RBFOX1: variants seen among roughly 807,000 people sequenced by gnomAD.
The protein encoded by RBFOX1 is RNA binding fox-1 homolog 1.
RBFOX1 carries 8 observed loss-of-function variants against 57.7 expected under a neutral mutation model. The observed-to-expected ratio is 0.14, with a 90% CI of 0.08 to 0.25. The LOEUF (loss-of-function observed/expected upper bound fraction) is 0.25. Ranked by LOEUF, RBFOX1 falls within the 10% of genes least tolerant of loss-of-function variation. The probability of loss-of-function intolerance (pLI) is 1.00; values close to 1 mark genes in which losing one functional copy is unlikely to be tolerated. For synonymous variants in RBFOX1, 326 were observed against 222.4 expected (o/e 1.47, Z -4.15); for missense variants, 611 against 548.5 (o/e 1.11, Z -1.14).
chr16:5,327,695 C>A (rs557473369), intron 1 of RBFOX1, among the ~76,000 whole-genome samples: 1 of 152,202 alleles, frequency 6.6e-6, no homozygotes, highest in African/African-American at 2.4e-5. Flanking sequence ...GCATCCCCCT[C>A]CCCGATTCCC....
In RBFOX1 at chr16:7,213,843, A is replaced by C. The variant is rs12918738; in HGVS notation, c.27+161745A>C. On this transcript the variant is annotated intron_variant, in intron 4 of 15. Coordinates refer to ENST00000550418, the MANE Select transcript of RBFOX1 (RefSeq NM_018723.4). ...GACTTCTCTGATGGATGAGGGTTGA[A>C]AAAGTCCTGCCCAGCAATAGGGGGA... 7.8e-3 allele frequency among the ~76,000 whole-genome samples: 1,190 copies of C among 152,310 alleles called. 6 individuals are homozygous for C. The highest frequency in any genetic ancestry group is 0.012 in the Non-Finnish European group (846 of 68,020).
At chr16:6,866,516 TAAG>T (rs1434861966) in intron 3 of RBFOX1, among the ~76,000 whole-genome samples, 2 of 144,022 alleles carry the variant, frequency 1.4e-5, no homozygotes, top group African/African-American at 5.2e-5. Context: ...AAAAAAAAAA[TAAG>T]GTTAGGGCTT....
At chr16:6,438,331 G>T (rs1272665247) in intron 2 of RBFOX1, among the ~76,000 whole-genome samples, 1 of 152,270 alleles carries the variant, frequency 6.6e-6, no homozygotes, top group African/African-American at 2.4e-5. Flanking sequence ...TGAGGAGAGT[G>T]AGGCTTAAGG....
intron 1 of RBFOX1, among the ~76,000 whole-genome samples, chr16:5,286,055 C>A (rs1296074459): frequency 6.6e-6 from 1 of 152,202 alleles, no homozygotes. Flanking sequence ...CTGGCATGAA[C>A]CACCACACCT....
At chr16:7,189,425 CAAAAAA>C (rs1159617665) in intron 4 of RBFOX1, among the ~76,000 whole-genome samples, 24 of 67,620 alleles carry the variant, frequency 3.5e-4, no homozygotes, top group African/African-American at 8.6e-4. Flanking sequence ...GACTCCCTCT[CAAAAAA>C]AAAAAAAAAA....
chr16:7,299,176 C>A (rs1042009911), intron 4 of RBFOX1, among the ~76,000 whole-genome samples: 2 of 152,172 alleles, frequency 1.3e-5, no homozygotes, highest in African/African-American at 4.8e-5. Context: ...TTTCAGGTTA[C>A]CCATTTCTCC....
intron 4 of RBFOX1, among the ~76,000 whole-genome samples, chr16:7,333,245 C>G (rs924876406): frequency 1.3e-5 from 2 of 152,242 alleles, no homozygotes; most frequent in South Asian, 2.1e-4. Flanking sequence ...ATGGATCACC[C>G]TAATCTAGCT....
intron 4 of RBFOX1, among the ~76,000 whole-genome samples, chr16:7,506,688 T>G (rs544391537): frequency 4.9e-4 from 74 of 152,308 alleles, no homozygotes; most frequent in Non-Finnish European, 9.0e-4. Flanking sequence ...AAGATTGTGT[T>G]AAAATTCGGG....
At chr16:7,582,571 A>C (rs529206946) in intron 6 of RBFOX1, among the ~76,000 whole-genome samples, 3 of 152,212 alleles carry the variant, frequency 2.0e-5, no homozygotes, top group African/African-American at 7.2e-5. Context: ...ATTGTGAAGC[A>C]TCTGTAAACA....
intron 1 of RBFOX1, among the ~76,000 whole-genome samples, chr16:6,107,396 G>A (rs920759893): frequency 6.6e-6 from 1 of 151,942 alleles, no homozygotes; most frequent in Non-Finnish European, 1.5e-5. Context: ...CATGCTCAGG[G>A]TACATATCTT....
rs146005802 is a variant in RBFOX1, at chr16:6,076,248, G to A, written c.-127+56256G>A. 6.7e-3 allele frequency among the ~76,000 whole-genome samples: 1,014 copies of A among 151,736 alleles called. 11 individuals are homozygous for A. Among genetic ancestry groups the A allele is most frequent in the African/African-American group, 0.024 (972 of 41,346 alleles). On this transcript the variant is annotated intron_variant, in intron 1 of 15. Transcript: ENST00000550418. Reference sequence around the variant, plus strand: ...CGGGAGGCGGAAGTTGCAGTGAGCCGAGATTGTGCCATTCCACTCCAGCCT... The same window carrying A: ...CGGGAGGCGGAAGTTGCAGTGAGCCAAGATTGTGCCATTCCACTCCAGCCT...
At chr16:6,531,788 T>A (rs1284971373) in intron 2 of RBFOX1, among the ~76,000 whole-genome samples, 1 of 152,144 alleles carries the variant, frequency 6.6e-6, no homozygotes, top group East Asian at 1.9e-4. Flanking sequence ...TGTATGAGTA[T>A]CAACCCAATT....
At chr16:7,219,099 G>T (rs936490951) in intron 4 of RBFOX1, among the ~76,000 whole-genome samples, 1 of 152,144 alleles carries the variant, frequency 6.6e-6, no homozygotes, top group African/African-American at 2.4e-5. Context: ...CATTATCCCC[G>T]TCATTGCAGG....
At chr16:6,884,567 G>A (rs952138837) in intron 3 of RBFOX1, among the ~76,000 whole-genome samples, 1 of 152,114 alleles carries the variant, frequency 6.6e-6, no homozygotes, top group Non-Finnish European at 1.5e-5. Flanking sequence ...CCTCAAATAT[G>A]TTTTATTACC....
At chr16:5,797,835 T>A (rs1254389804) in intron 3 of RBFOX1, among the ~76,000 whole-genome samples, 1 of 152,186 alleles carries the variant, frequency 6.6e-6, no homozygotes, top group African/African-American at 2.4e-5. Context: ...CATAATGAAA[T>A]ATTGACTTAT....
At chr16:6,853,467 G>A (rs544654325) in intron 3 of RBFOX1, among the ~76,000 whole-genome samples, 1 of 152,230 alleles carries the variant, frequency 6.6e-6, no homozygotes, top group African/African-American at 2.4e-5. Flanking sequence ...CATCCTGATG[G>A]AGGATGGTGC....
chr16:6,175,632 G>C (rs1276128657), intron 1 of RBFOX1, among the ~76,000 whole-genome samples: 2 of 152,258 alleles, frequency 1.3e-5, no homozygotes, highest in Non-Finnish European at 2.9e-5. Flanking sequence ...GATAGTACTA[G>C]AATTTAAAGT....
intron 1 of RBFOX1, among the ~76,000 whole-genome samples, chr16:5,257,423 G>A (rs2062615364): frequency 1.3e-5 from 2 of 152,264 alleles, no homozygotes; most frequent in South Asian, 2.1e-4. Flanking sequence ...TGCTGTAAAC[G>A]TGCAGGAGGA....
chr16:7,499,644 A>G (rs1055108686), intron 4 of RBFOX1, among the ~76,000 whole-genome samples: 1 of 152,224 alleles, frequency 6.6e-6, no homozygotes, highest in African/African-American at 2.4e-5. Flanking sequence ...GAGAAAAAAC[A>G]GTAAGTGAAG....
Sources: gnomAD v4.1 joint callset for allele counts (sites outside exome capture counted in the v4.1 genomes callset) on GRCh38, gnomAD v4.1.1 for gene constraint, MANE v1.5 for transcripts, NCBI Gene and HGNC (gene_info 2026-07-23, HGNC 2026-07-21) for gene names.